Variants in CELSR1 observed in about 807,000 individuals in gnomAD.
The protein encoded by CELSR1 is adhesion G protein-coupled receptor C1.
In CELSR1, 110 loss-of-function variants were observed where a neutral mutation model predicts 249.1. The observed-to-expected ratio is 0.44, with a 90% confidence interval of 0.38 to 0.52. CELSR1 has a LOEUF of 0.52. CELSR1 is among the 20% of genes least tolerant of loss of function. CELSR1 has a pLI of 0.00. For missense variants in CELSR1, 4,109 were observed against 4,296.4 expected, an observed-to-expected ratio of 0.96 and a Z score of 1.22; for synonymous variants, 2,113 against 1,900.0, an observed-to-expected ratio of 1.11 and a Z score of -2.92.
chr22:46,371,621 T>C (rs2078852146), intron 25 of CELSR1, among the ~76,000 whole-genome samples: 1 of 151,636 alleles, frequency 6.6e-6, no homozygotes, highest in East Asian at 1.9e-4. Context: ...TACCAATCCA[T>C]CCACCCACCC....
rs947008211 is a variant in CELSR1 at position 46,412,031 on chromosome 22, A to G, written c.4612-272T>C. On this transcript the variant is annotated intron_variant, in intron 5 of 34. Transcript: ENST00000674500. This position sits in a 1 kb window ranked among gnomAD's most constrained non-coding sequence, Gnocchi z 4.5. ...ATTAGCTAAGATGCGGACGTCCTGG[A>G]GTAGGCGGGCCCTGATCCAAGATGA... Among the ~76,000 whole-genome samples the G allele has an allele frequency of 7.2e-5, 11 of 152,176 alleles. No individual in the cohort carries two copies. The highest frequency in any genetic ancestry group is 1.0e-4 in the Non-Finnish European group (7 of 68,024).
chr22:46,432,222 G>A (rs988514321), intron 5 of CELSR1, among the ~76,000 whole-genome samples: 5 of 152,202 alleles, frequency 3.3e-5, no homozygotes, highest in Non-Finnish European at 5.9e-5. Flanking sequence ...GTGGAGGGAC[G>A]CCGGTGGCCA....
rs2147143387 is a variant in CELSR1 at position 46,362,048 on chromosome 22, C to A, written c.*1175G>T. On this transcript the variant is annotated 3_prime_UTR_variant, in exon 35 of 35. Transcript: ENST00000674500. Reference sequence around the variant, plus strand: ...ATTGGTCAGACTCCAGAGGGGAGAACCCTGCCTGGAGATCCTCGCAGTCTC... The same window carrying A: ...ATTGGTCAGACTCCAGAGGGGAGAAACCTGCCTGGAGATCCTCGCAGTCTC... The A allele has an allele frequency of 6.6e-6, 1 of 152,356 alleles. No homozygotes were observed. Among genetic ancestry groups the A allele is most frequent in the African/African-American group, 2.4e-5 (1 of 41,558 alleles). The allele number at this position is 152,356 out of a possible 1,614,324, so 9.4% of individuals were successfully genotyped here.
At chr22:46,370,555 T>C (rs964750763) in intron 25 of CELSR1, among the ~76,000 whole-genome samples, 4 of 152,220 alleles carry the variant, frequency 2.6e-5, no homozygotes, top group Non-Finnish European at 5.9e-5. Flanking sequence ...CGCCTGTCCA[T>C]GCAGAGCATC....
intron 1 of CELSR1, among the ~76,000 whole-genome samples, chr22:46,525,052 C>T (rs931217350): frequency 3.3e-5 from 5 of 152,156 alleles, no homozygotes; most frequent in East Asian, 1.9e-4. Context: ...CCAAGAGGAG[C>T]GGCCACTACT....
At position 46,393,459 on chromosome 22, in the gene CELSR1, C is replaced by T. The variant is rs2147261829; in HGVS notation, c.5964+683G>A. 6.6e-6 allele frequency among the ~76,000 whole-genome samples: 1 copy of T among 152,304 alleles called. No homozygotes were observed. The highest frequency in any genetic ancestry group is 1.5e-5 in the Non-Finnish European group (1 of 68,020). On this transcript the variant is annotated intron_variant, in intron 14 of 34. Transcript: ENST00000674500. This position sits in a 1 kb window ranked among gnomAD's most constrained non-coding sequence, Gnocchi z 4.1. ...GCTTGGTAAAGACCAGGAAAATGGCCAGGCACGGTGGCTCACGCCTGTAAT... is the reference window on the plus strand; with the variant it reads ...GCTTGGTAAAGACCAGGAAAATGGCTAGGCACGGTGGCTCACGCCTGTAAT...
chr22:46,383,176 G>A (rs1222253495), intron 20 of CELSR1, among the ~76,000 whole-genome samples: 1 of 152,096 alleles, frequency 6.6e-6, no homozygotes, highest in African/African-American at 2.4e-5. Flanking sequence ...CAGGGACCTC[G>A]TCCTCTTAGT....
In CELSR1 at chr22:46,526,773, T is replaced by C. The variant is rs1057299388; in HGVS notation, c.3544+6854A>G. Among the ~76,000 whole-genome samples, 4 of 152,088 alleles carry C rather than the reference T, an allele frequency of 2.6e-5. No individual in the cohort carries two copies. Among genetic ancestry groups the C allele is most frequent in the African/African-American group, 9.7e-5 (4 of 41,406 alleles). On this transcript the variant is annotated intron_variant, in intron 1 of 34. Coordinates refer to ENST00000674500, the MANE Select transcript of CELSR1 (RefSeq NM_001378328.1). This position sits in a 1 kb window ranked among gnomAD's most constrained non-coding sequence, Gnocchi z 4.7. ...TCCTCAAGGCTGGGCCTGGGTCCCC[T>C]CCTAACTGCCAGCACCCTCACTTCT... is the stretch of plus-strand genomic sequence containing the variant.
chr22:46,364,699 G>A lies in CELSR1; in HGVS notation c.8592C>T (p.Pro2864=), dbSNP rs759640294. ...TGTCACTCTCAGCCAGGCTCTGGTCGGGCCAGCCGGCCGGAACGTGGTTGG... is the reference window on the plus strand; with the variant it reads ...TGTCACTCTCAGCCAGGCTCTGGTCAGGCCAGCCGGCCGGAACGTGGTTGG... ...AVANHVPAGW[P]DQSLAESDSE... is the part of the protein sequence containing the mutation. The change falls in exon 33 of 35, where the codon CCC becomes CCT. Residue 2864 remains proline (P), a synonymous_variant. Transcript: ENST00000674500. 3.0e-5 allele frequency: 48 copies of A among 1,612,374 alleles called. No individual in the cohort carries two copies. The highest frequency in any genetic ancestry group is 3.6e-5 in the Non-Finnish European group (42 of 1,179,874).
chr22:46,463,560 C>A lies in CELSR1; in HGVS notation c.4183+147G>T, dbSNP rs2080057483. 4 of 716,190 alleles carry A rather than the reference C, an allele frequency of 5.6e-6. No individual in the cohort carries two copies. In the South Asian group the frequency reaches 1.2e-4, roughly 22 times the overall value. 44.4% of individuals were successfully genotyped at this position (716,190 alleles called of 1,614,324 possible). ...AAAAGTACCGTTACTGAGATCATCT[C>A]AAGGTTCGTGGAGCCCACACCTGGG... On this transcript the variant is annotated intron_variant, in intron 2 of 34. Coordinates refer to ENST00000674500, the MANE Select transcript of CELSR1 (RefSeq NM_001378328.1).
rs111371638 is a variant in CELSR1 at position 46,402,387 on chromosome 22, C to T, written c.5227-2485G>A. 0.1 allele frequency among the ~76,000 whole-genome samples: 15,336 copies of T among 151,574 alleles called. 2,394 individuals are homozygous for T. The highest frequency in any genetic ancestry group is 0.34 in the African/African-American group (13,868 of 41,142). On this transcript the variant is annotated intron_variant, in intron 9 of 34. Transcript: ENST00000674500. The surrounding 1 kb of genome is among the most constrained non-coding windows in gnomAD (Gnocchi z 5.0). ...CCCACCACCACACCCAGCTAATTTTCTGTATTTTTAGTAGAGACGGGGCTT... is the reference window on the plus strand; with the variant it reads ...CCCACCACCACACCCAGCTAATTTTTTGTATTTTTAGTAGAGACGGGGCTT...
intron 1 of CELSR1, among the ~76,000 whole-genome samples, chr22:46,505,223 C>G (rs58831067): frequency 2.1e-4 from 29 of 140,092 alleles, no homozygotes; most frequent in African/African-American, 8.0e-4. Flanking sequence ...GATGGCGCCA[C>G]TGCACTCCAG....
chr22:46,426,142 G>A (rs544233226), intron 5 of CELSR1, among the ~76,000 whole-genome samples: 2 of 152,374 alleles, frequency 1.3e-5, no homozygotes, highest in South Asian at 4.1e-4. Context: ...GGAGGGCGCA[G>A]CCGGGGAGGG....
At chr22:46,467,191 G>A (rs866748347) in intron 1 of CELSR1, among the ~76,000 whole-genome samples, 2 of 152,110 alleles carry the variant, frequency 1.3e-5, no homozygotes, top group African/African-American at 4.8e-5. Flanking sequence ...TTTGTCTTAC[G>A]CAATGCTCAT....
intron 1 of CELSR1, among the ~76,000 whole-genome samples, chr22:46,477,306 G>A (rs948175448): frequency 6.6e-6 from 1 of 152,160 alleles, no homozygotes; most frequent in African/African-American, 2.4e-5. Flanking sequence ...CTTCGACAGG[G>A]ATCAAACACC....
At chr22:46,469,520 T>G (rs769741290) in intron 1 of CELSR1, among the ~76,000 whole-genome samples, 60 of 152,102 alleles carry the variant, frequency 3.9e-4, no homozygotes, top group Non-Finnish European at 6.9e-4. Context: ...GTTGTTTGTT[T>G]GTTTGTTTGT....
At chr22:46,507,046 T>C (rs531415878) in intron 1 of CELSR1, among the ~76,000 whole-genome samples, 2 of 152,050 alleles carry the variant, frequency 1.3e-5, no homozygotes, top group Admixed American at 1.3e-4. Context: ...ATTAGCCAGG[T>C]GTGGTGGTGT....
Position 46,393,050 on chromosome 22 carries a change from C to T in CELSR1, c.5964+1092G>A, listed in dbSNP as rs747997692. ...TTTGCTGTTGGAACCACCGCAGGCA[C>T]TGGGGGGGGACACTACTGACATCAC... On this transcript the variant is annotated intron_variant, in intron 14 of 34. Coordinates refer to ENST00000674500, the MANE Select transcript of CELSR1 (RefSeq NM_001378328.1). The surrounding 1 kb of genome is among the most constrained non-coding windows in gnomAD (Gnocchi z 4.1). Among the ~76,000 whole-genome samples, 1 of 152,170 alleles carries T rather than the reference C, an allele frequency of 6.6e-6. No homozygotes were observed. The highest frequency in any genetic ancestry group is 1.5e-5 in the Non-Finnish European group (1 of 68,028).
At position 46,391,732 on chromosome 22, in the gene CELSR1, T is replaced by C; in HGVS notation, c.6049A>G (p.Met2017Val). ...PHGSHSRTCD[M>V]ATGQCACKPG... ...TTGCAGGCACACTGCCCGGTGGCCATGTCGCAAGTGCGGCTGTGGGAGCCA... is the reference window on the plus strand; with the variant it reads ...TTGCAGGCACACTGCCCGGTGGCCACGTCGCAAGTGCGGCTGTGGGAGCCA... The change falls in exon 15 of 35, where the codon ATG (methionine) becomes GTG (valine). Residue 2017 changes from methionine to valine, a missense_variant. By Grantham distance (21) the Met-to-Val change is conservative. Coordinates refer to ENST00000674500, the MANE Select transcript of CELSR1 (RefSeq NM_001378328.1). This position sits in a 1 kb window ranked among gnomAD's most constrained non-coding sequence, Gnocchi z 4.3. 5 of 1,612,340 alleles carry C rather than the reference T, an allele frequency of 3.1e-6. No individual in the cohort carries two copies. The highest frequency in any genetic ancestry group is 1.7e-4 in the Middle Eastern group (1 of 5,808).
Sources: gnomAD v4.1 joint callset for allele counts (sites outside exome capture counted in the v4.1 genomes callset) on GRCh38, gnomAD v4.1.1 for gene constraint, Gnocchi (gnomAD v3.1) non-coding constraint, MANE v1.5 for transcripts, NCBI Gene and HGNC (gene_info 2026-07-23, HGNC 2026-07-21) for gene names.